NT5DC3: variants seen among roughly 807,000 people sequenced by gnomAD.
NT5DC3 encodes 5'-nucleotidase domain-containing protein 3.
A neutral mutation model predicts 67.8 loss-of-function variants in NT5DC3; 42 were observed. The ratio of observed to expected loss-of-function variants is 0.62; its 90% confidence interval spans 0.48 to 0.80. The LOEUF (loss-of-function observed/expected upper bound fraction) is 0.80, where lower values mean the gene tolerates loss of function less well. Among genes scored for constraint, NT5DC3 ranks in the 30% least tolerant of loss-of-function variants. NT5DC3 has a pLI of 0.00. For missense variants in NT5DC3, 570 were observed against 696.4 expected (o/e 0.82, Z 2.04); for synonymous variants, 237 against 255.6 (o/e 0.93, Z 0.69).
At chr12:103,753,008 C>T in the NT5DC3 span, among the ~76,000 whole-genome samples, 1 of 152,234 alleles carries the variant, frequency 6.6e-6, no homozygotes, top group Admixed American at 6.5e-5. Context: ...TTCTGTATTG[C>T]CCTAATTTCT....
chr12:103,779,303 ACT>A (rs1885455012), intron 13 of NT5DC3, among the ~76,000 whole-genome samples: 2 of 152,056 alleles, frequency 1.3e-5, no homozygotes, highest in Admixed American at 6.6e-5. Flanking sequence ...CAGGATGTGC[ACT>A]CTCTCTGATG....
At chr12:103,759,736 T>C in the NT5DC3 span, among the ~76,000 whole-genome samples, 2 of 151,924 alleles carry the variant, frequency 1.3e-5, no homozygotes, top group South Asian at 4.1e-4. Context: ...ATTTTCATGA[T>C]TGTGATACAA....
intron 2 of NT5DC3, among the ~76,000 whole-genome samples, chr12:103,811,473 C>G (rs796589676): frequency 6.6e-6 from 1 of 152,078 alleles, no homozygotes; most frequent in Admixed American, 6.5e-5. Flanking sequence ...CTTCCTCCCC[C>G]AAACCCATAA....
rs1885848047 is a variant in NT5DC3 at position 103,787,594 on chromosome 12, A to ATTG, written c.1102-68_1102-67insCAA. 1.4e-5 allele frequency: 12 copies of ATTG among 842,026 alleles called. No homozygotes were observed. The Middle Eastern group carries it at 9.9e-4, about 70-fold the overall frequency. The allele number at this position is 842,026 out of a possible 1,614,324, so 52.2% of individuals were successfully genotyped here. ...AGATCTGTCTAACCCACAGTACAAA[A>ATTG]TATAAAACTTTTAAAAATTGTTGTT... is the stretch of plus-strand genomic sequence containing the variant. On this transcript the variant is annotated intron_variant, in intron 10 of 13. Transcript: ENST00000392876.
rs983357938 is a variant in NT5DC3, at chr12:103,840,651, C to T, written c.208+298G>A. ...AGGCCTGAGGAACCCCAGCCCCGCG[C>T]GGCCCAAAGCCCCTCAGATGCAGAT... is the stretch of plus-strand genomic sequence containing the variant. On this transcript the variant is annotated intron_variant, in intron 1 of 13. Transcript: ENST00000392876. Among the ~76,000 whole-genome samples the T allele has an allele frequency of 1.3e-4, 20 of 151,940 alleles. 1 individual carries two copies. Among genetic ancestry groups the T allele is most frequent in the Non-Finnish European group, 2.2e-4 (15 of 67,960 alleles).
chr12:103,807,580 T>A (rs1200124382), intron 2 of NT5DC3, among the ~76,000 whole-genome samples: 4 of 152,292 alleles, frequency 2.6e-5, no homozygotes, highest in African/African-American at 9.6e-5. Context: ...GACACAGCAT[T>A]CCCCACACTA....
chr12:103,784,786 T>G (rs1426844650), intron 12 of NT5DC3, among the ~76,000 whole-genome samples: 1 of 152,186 alleles, frequency 6.6e-6, no homozygotes, highest in Non-Finnish European at 1.5e-5. Context: ...CAGCCAAAAC[T>G]GGCTGCCTAA....
intron 13 of NT5DC3, among the ~76,000 whole-genome samples, chr12:103,780,036 T>C (rs1885484331): frequency 6.6e-6 from 1 of 152,062 alleles, no homozygotes; most frequent in Admixed American, 6.5e-5. Flanking sequence ...GAAGGAGGAA[T>C]GAGATGGGAA....
chr12:103,761,240 T>C, the NT5DC3 span: 33 of 1,524,996 alleles, frequency 2.2e-5, no homozygotes, highest in Non-Finnish European at 2.4e-5. Flanking sequence ...ACAACTTCCC[T>C]CCATGGAGGG....
intron 3 of NT5DC3, among the ~76,000 whole-genome samples, chr12:103,806,645 A>G (rs888979590): frequency 6.6e-6 from 1 of 152,182 alleles, no homozygotes; most frequent in Non-Finnish European, 1.5e-5. Flanking sequence ...AATAAACAGT[A>G]CCTCCTAAAT....
chr12:103,811,914 T>G (rs940441667), intron 2 of NT5DC3, among the ~76,000 whole-genome samples: 1 of 151,576 alleles, frequency 6.6e-6, no homozygotes, highest in East Asian at 1.9e-4. Flanking sequence ...GGACACGGAG[T>G]GCGAGCGGTC....
chr12:103,764,122 T>A, the NT5DC3 span, among the ~76,000 whole-genome samples: 1 of 152,108 alleles, frequency 6.6e-6, no homozygotes, highest in Non-Finnish European at 1.5e-5. Flanking sequence ...CCCAGCTAAC[T>A]TTGTATTGTT....
chr12:103,785,184 T>C (rs1885710934), intron 12 of NT5DC3, 151 bp downstream of exon 12: 3 of 711,344 alleles, frequency 4.2e-6, no homozygotes, highest in Non-Finnish European at 7.1e-6. Context: ...ACAAACACTG[T>C]CTAGGCAAAA....
At chr12:103,802,526 G>A (rs34307072) in intron 4 of NT5DC3, 39,371 of 152,170 alleles carry the variant, frequency 0.26, 5,641 homozygotes, top group East Asian at 0.58. Context: ...TGAGACTCCA[G>A]TGGAATGTGG....
chr12:103,794,929 A>T (rs1318422796), intron 6 of NT5DC3, among the ~76,000 whole-genome samples: 1 of 152,230 alleles, frequency 6.6e-6, no homozygotes, highest in Non-Finnish European at 1.5e-5. Flanking sequence ...GTGACACTGC[A>T]CAGGGCCTCT....
the NT5DC3 span, chr12:103,761,440 C>G: frequency 6.3e-7 from 1 of 1,596,532 alleles, no homozygotes; most frequent in South Asian, 1.1e-5. Flanking sequence ...GATAACGGGC[C>G]AGGAGGAGCC....
intron 1 of NT5DC3, among the ~76,000 whole-genome samples, chr12:103,838,840 G>GA (rs758898544): frequency 2.2e-3 from 329 of 151,142 alleles, no homozygotes; most frequent in Middle Eastern, 3.4e-3. Context: ...TATACTTGGT[G>GA]AAAAAAAACA....
chr12:103,777,618 C>T lies in NT5DC3; in HGVS notation c.*211G>A, dbSNP rs1885384475. 7.0e-6 allele frequency: 4 copies of T among 572,596 alleles called. No homozygotes were observed. Among genetic ancestry groups the T allele is most frequent in the African/African-American group, 1.9e-5 (1 of 53,674 alleles). 35.5% of individuals were successfully genotyped at this position (572,596 alleles called of 1,614,324 possible). A position where few individuals can be genotyped will look rare whatever the true frequency, so the allele number is the denominator to read the frequency against. Reference sequence around the variant, plus strand: ...AATCAGAGTTCCAATGTGAAGCTTGCCTTTCAGCCCTGCATGGGGGGAAAG... The same window carrying T: ...AATCAGAGTTCCAATGTGAAGCTTGTCTTTCAGCCCTGCATGGGGGGAAAG... On this transcript the variant is annotated 3_prime_UTR_variant, in exon 14 of 14. Transcript: ENST00000392876.
chr12:103,788,178 T>A (rs1885878498), intron 10 of NT5DC3, among the ~76,000 whole-genome samples: 1 of 152,236 alleles, frequency 6.6e-6, no homozygotes, highest in Non-Finnish European at 1.5e-5. Flanking sequence ...GTGATGGTTA[T>A]GCCTGTAATC....
Sources: gnomAD v4.1 joint callset for allele counts (sites outside exome capture counted in the v4.1 genomes callset) on GRCh38, gnomAD v4.1.1 for gene constraint, MANE v1.5 for transcripts, NCBI Gene and HGNC (gene_info 2026-07-23, HGNC 2026-07-21) for gene names.